Variants in SPAG16 observed in about 807,000 individuals in gnomAD.
SPAG16 encodes sperm-associated antigen 16 protein.
A neutral mutation model predicts 80.4 loss-of-function variants in SPAG16; 86 were observed. The observed-to-expected ratio is 1.07, with a 90% CI of 0.90 to 1.28. SPAG16 has a LOEUF of 1.28. SPAG16 is among the 50% of genes most tolerant of loss of function. The pLI, the probability that SPAG16 is intolerant of heterozygous loss-of-function variation, is 0.00. For synonymous variants in SPAG16, 294 were observed against 265.9 expected, an observed-to-expected ratio of 1.11 and a Z score of -1.03; for missense variants, 870 against 765.3, an observed-to-expected ratio of 1.14 and a Z score of -1.61.
chr2:213,526,292 A>G (rs1444442942), intron 10 of SPAG16, among the ~76,000 whole-genome samples: 2 of 152,202 alleles, frequency 1.3e-5, no homozygotes, highest in Non-Finnish European at 2.9e-5. Flanking sequence ...TGACTATGGA[A>G]GTACTATTTT....
At chr2:213,602,045 C>T (rs115621776) in intron 10 of SPAG16, among the ~76,000 whole-genome samples, 1,977 of 152,304 alleles carry the variant, frequency 0.013, 19 homozygotes, top group South Asian at 0.036. Flanking sequence ...GAATCTAATG[C>T]CACTACTGAT....
chr2:213,360,562 A>T (rs1906690), intron 7 of SPAG16, among the ~76,000 whole-genome samples: 148,427 of 152,330 alleles, frequency 0.97, 72,422 homozygotes, highest in East Asian at 1. Context: ...TACCACTTAA[A>T]GAATGGAAAC....
chr2:214,287,272 T>C (rs1426300242), intron 15 of SPAG16, among the ~76,000 whole-genome samples: 5 of 152,244 alleles, frequency 3.3e-5, no homozygotes, highest in Admixed American at 3.3e-4. Context: ...AAATTACTCT[T>C]CAAATTTCAT....
Position 213,375,067 on chromosome 2 carries a change from G to A in SPAG16, c.890G>A (p.Arg297His), listed in dbSNP as rs747636240. The A allele has an allele frequency of 1.9e-5, 30 of 1,610,184 alleles. No homozygotes were observed. In the Admixed American group the frequency reaches 2.4e-4, roughly 13 times the overall value. Residue 297 changes from arginine to histidine, a missense_variant, in exon 9 of 16, where the codon CGT (arginine) becomes CAT (histidine). Arg to His is a conservative substitution (Grantham distance 29). Transcript: ENST00000331683. The stretch of plus-strand genomic sequence containing the variant: ...GAAGGTCCTACTCAGAAAGGTCTTC[G>A]TGAAGCCAGGGAACAAAACAAATGT... Reference protein sequence around the residue: ...APEGPTQKGLREAREQNKCKT... With the variant: ...APEGPTQKGLHEAREQNKCKT...
At chr2:214,118,813 A>G (rs1214176226) in intron 14 of SPAG16, among the ~76,000 whole-genome samples, 1 of 149,330 alleles carries the variant, frequency 6.7e-6, no homozygotes, top group African/African-American at 2.4e-5. Flanking sequence ...TGCAATCTCT[A>G]TCAAAATACT....
intron 13 of SPAG16, among the ~76,000 whole-genome samples, chr2:214,026,903 AT>A (rs1372178383): frequency 6.6e-6 from 1 of 151,400 alleles, no homozygotes; most frequent in Non-Finnish European, 1.5e-5. Context: ...CAAAGTCATC[AT>A]TTTTTTCCCT....
At chr2:214,154,387 C>G (rs2056118162) in intron 15 of SPAG16, among the ~76,000 whole-genome samples, 1 of 151,946 alleles carries the variant, frequency 6.6e-6, no homozygotes, top group African/African-American at 2.4e-5. Context: ...AGTATCAGAT[C>G]ATTAAAATGA....
At chr2:214,221,648 GAT>G (rs763795533) in intron 15 of SPAG16, among the ~76,000 whole-genome samples, 2 of 151,654 alleles carry the variant, frequency 1.3e-5, no homozygotes, top group Non-Finnish European at 2.9e-5. Context: ...ACCCCCACCT[GAT>G]CTCTCAAAAA....
chr2:214,227,895 C>G lies in SPAG16; in HGVS notation c.1720+78629C>G, dbSNP rs1382751959. Among the ~76,000 whole-genome samples, 3 of 151,718 alleles carry G rather than the reference C, an allele frequency of 2.0e-5. No individual in the cohort carries two copies. The Admixed American group carries it at 2.0e-4, about 10-fold the overall frequency. On this transcript the variant is annotated intron_variant, in intron 15 of 15. Coordinates refer to ENST00000331683, the MANE Select transcript of SPAG16 (RefSeq NM_024532.5). ...AAAATTCCTGAATCTAAGCAGTTAA[C>G]CTTCTTTCTATGTTCCTTTTGATGA...
chr2:213,408,664 G>T (rs187901333), intron 9 of SPAG16, among the ~76,000 whole-genome samples: 4 of 152,130 alleles, frequency 2.6e-5, no homozygotes, highest in African/African-American at 9.7e-5. Flanking sequence ...GTTTCTTCCC[G>T]GGTGAATGAG....
chr2:213,985,441 C>G (rs777394930), intron 12 of SPAG16, among the ~76,000 whole-genome samples: 3 of 152,068 alleles, frequency 2.0e-5, no homozygotes, highest in Admixed American at 6.6e-5. Context: ...TAAAACCATT[C>G]TGACATTCAA....
At chr2:214,072,623 A>C (rs2050843223) in intron 13 of SPAG16, among the ~76,000 whole-genome samples, 1 of 152,176 alleles carries the variant, frequency 6.6e-6, no homozygotes, top group Admixed American at 6.5e-5. Flanking sequence ...GAAGATAGAA[A>C]TGTAGGTGTT....
chr2:214,208,033 C>T (rs1006382878), intron 15 of SPAG16, among the ~76,000 whole-genome samples: 10 of 152,204 alleles, frequency 6.6e-5, no homozygotes, highest in African/African-American at 1.9e-4. Flanking sequence ...TGGCTTCCTA[C>T]CTCCTCAGTT....
chr2:214,015,060 T>A (rs1027653459), intron 13 of SPAG16, among the ~76,000 whole-genome samples: 1 of 152,150 alleles, frequency 6.6e-6, no homozygotes, highest in African/African-American at 2.4e-5. Flanking sequence ...ATCATGCACA[T>A]GCACAGTATA....
At chr2:214,361,201 G>T (rs1383444608) in intron 15 of SPAG16, among the ~76,000 whole-genome samples, 1 of 151,770 alleles carries the variant, frequency 6.6e-6, no homozygotes, top group Non-Finnish European at 1.5e-5. Flanking sequence ...ATATATTGGG[G>T]TATCATTTTA....
chr2:214,085,690 C>T (rs970706901), intron 13 of SPAG16, among the ~76,000 whole-genome samples: 1 of 152,152 alleles, frequency 6.6e-6, no homozygotes, highest in Non-Finnish European at 1.5e-5. Flanking sequence ...ATCCAGACTA[C>T]AAAGAGAACA....
At chr2:214,280,465 G>A (rs1692837050) in intron 15 of SPAG16, among the ~76,000 whole-genome samples, 1 of 152,122 alleles carries the variant, frequency 6.6e-6, no homozygotes, top group South Asian at 2.1e-4. Flanking sequence ...CTGCTCTCAA[G>A]GTTTATTATG....
intron 10 of SPAG16, among the ~76,000 whole-genome samples, chr2:213,490,946 T>C (rs2074209393): frequency 6.6e-6 from 1 of 152,176 alleles, no homozygotes. Context: ...ATTTTACCTA[T>C]AGTGAGTATT....
intron 10 of SPAG16, among the ~76,000 whole-genome samples, chr2:213,524,202 A>C (rs1180189359): frequency 2.0e-5 from 3 of 152,218 alleles, no homozygotes; most frequent in Non-Finnish European, 4.4e-5. Flanking sequence ...CAGAGGATTC[A>C]AGCCCAAGCC....
Sources: gnomAD v4.1 joint callset for allele counts (sites outside exome capture counted in the v4.1 genomes callset) on GRCh38, gnomAD v4.1.1 for gene constraint, MANE v1.5 for transcripts, NCBI Gene and HGNC (gene_info 2026-07-23, HGNC 2026-07-21) for gene names.